WDR49: variants seen among roughly 807,000 people sequenced by gnomAD.
The protein encoded by WDR49 is cilia- and flagella-associated protein 337.
Under a neutral mutation model 119.5 loss-of-function variants are expected in WDR49, and 107 were observed. The ratio of observed to expected loss-of-function variants is 0.90; its 90% CI spans 0.77 to 1.05. WDR49 has a LOEUF of 1.05. WDR49 is among the 50% of genes least tolerant of loss of function. WDR49 has a pLI of 0.00. For missense variants in WDR49, 1,240 were observed against 1,220.5 expected (o/e 1.02, Z -0.24); for synonymous variants, 425 against 418.8 (o/e 1.01, Z -0.18).
chr3:167,552,113 G>C (rs891446226), intron 10 of WDR49, among the ~76,000 whole-genome samples: 1 of 151,998 alleles, frequency 6.6e-6, no homozygotes, highest in Non-Finnish European at 1.5e-5. Flanking sequence ...GCTGCTATTT[G>C]ATAGAGTTTA....
chr3:167,612,143 C>A (rs1000219835), intron 5 of WDR49, among the ~76,000 whole-genome samples: 1 of 152,002 alleles, frequency 6.6e-6, no homozygotes, highest in African/African-American at 2.4e-5. Flanking sequence ...TTTTCTCTGA[C>A]CACAATGAAT....
chr3:167,483,823 G>A (rs1750817550), intron 18 of WDR49, among the ~76,000 whole-genome samples: 1 of 151,960 alleles, frequency 6.6e-6, no homozygotes, highest in Non-Finnish European at 1.5e-5. Flanking sequence ...TACTCAAAGG[G>A]TCTTTATAGA....
At chr3:167,542,561 A>T (rs567818263) in intron 10 of WDR49, among the ~76,000 whole-genome samples, 3 of 152,256 alleles carry the variant, frequency 2.0e-5, no homozygotes, top group Admixed American at 2.0e-4. Context: ...TGAAATCAAG[A>T]TGGAACTTTA....
intron 10 of WDR49, among the ~76,000 whole-genome samples, chr3:167,546,926 G>T (rs1051179084): frequency 3.3e-5 from 5 of 151,570 alleles, no homozygotes; most frequent in Non-Finnish European, 7.4e-5. Context: ...TATCTCAAAG[G>T]CAGAGAATTA....
At chr3:167,629,584 T>C (rs1371347196) in intron 2 of WDR49, among the ~76,000 whole-genome samples, 1 of 152,138 alleles carries the variant, frequency 6.6e-6, no homozygotes, top group Non-Finnish European at 1.5e-5. Context: ...ATAGCTGCCA[T>C]AGACAATGAT....
At chr3:167,590,185 T>C (rs1175473728) in intron 7 of WDR49, among the ~76,000 whole-genome samples, 2 of 152,172 alleles carry the variant, frequency 1.3e-5, no homozygotes, top group Non-Finnish European at 2.9e-5. Flanking sequence ...CTTCATTCCA[T>C]TGACATCATG....
rs1330193356 is a variant in WDR49, at chr3:167,626,896, G to A, written c.562C>T (p.His188Tyr). The A allele has an allele frequency of 7.9e-7, 1 of 1,263,108 alleles. No homozygotes were observed. The highest frequency in any genetic ancestry group is 1.0e-6 in the Non-Finnish European group (1 of 1,004,246). 78.2% of individuals were successfully genotyped at this position (1,263,108 alleles called of 1,614,324 possible). A position where few individuals can be genotyped will look rare whatever the true frequency, so the allele number is the denominator to read the frequency against. Residue 188 changes from histidine to tyrosine, a missense_variant, in exon 3 of 19, where the codon CAC (histidine) becomes TAC (tyrosine). His to Tyr is a moderately conservative substitution (Grantham distance 83). Coordinates refer to ENST00000682715, the MANE Select transcript of WDR49 (RefSeq NM_001366157.1). Reference protein sequence around the residue: ...PITSDATKLKHLWVTSLVSLE... With the variant: ...PITSDATKLKYLWVTSLVSLE... ...GAAACCAGACTTGTCACCCACAGGT[G>A]TTTGAGCTTGGTGGCATCTGAAGTG...
intron 17 of WDR49, among the ~76,000 whole-genome samples, chr3:167,502,438 G>A (rs561021708): frequency 1.1e-4 from 16 of 152,338 alleles, no homozygotes; most frequent in African/African-American, 3.8e-4. Flanking sequence ...TGGCTAATGG[G>A]CAGACGTTGG....
At chr3:167,624,345 TA>T (rs200365249) in intron 3 of WDR49, among the ~76,000 whole-genome samples, 1,936 of 143,464 alleles carry the variant, frequency 0.013, 25 homozygotes, top group African/African-American at 0.029. Context: ...TATGCCATGG[TA>T]AAAAAAAAAA....
chr3:167,570,966 G>A (rs868518568), intron 8 of WDR49, among the ~76,000 whole-genome samples: 5 of 151,462 alleles, frequency 3.3e-5, no homozygotes, highest in African/African-American at 4.9e-5. Context: ...CGGAGGTTGC[G>A]GTGAGCCGAG....
intron 16 of WDR49, among the ~76,000 whole-genome samples, chr3:167,517,389 T>C (rs1752254020): frequency 6.6e-6 from 1 of 152,072 alleles, no homozygotes; most frequent in East Asian, 1.9e-4. Context: ...CATCTAATCT[T>C]CAACAAACCT....
chr3:167,621,084 T>C (rs530883090), intron 4 of WDR49, among the ~76,000 whole-genome samples: 8 of 152,228 alleles, frequency 5.3e-5, no homozygotes, highest in Admixed American at 5.2e-4. Context: ...CCCAATACTC[T>C]ATGTAGGAAA....
chr3:167,566,782 A>G, intron 8 of WDR49: 1 of 597,724 alleles, frequency 1.7e-6, no homozygotes, highest in Non-Finnish European at 3.0e-6. Context: ...AAGCTAGAGA[A>G]AAGAAAATGT....
intron 18 of WDR49, among the ~76,000 whole-genome samples, chr3:167,482,613 A>T (rs1750760818): frequency 6.6e-6 from 1 of 150,456 alleles, no homozygotes; most frequent in South Asian, 2.1e-4. Flanking sequence ...CGGGAGGCAG[A>T]GCTTGCAGTG....
chr3:167,547,172 T>C (rs1171964077), intron 10 of WDR49, among the ~76,000 whole-genome samples: 5 of 151,906 alleles, frequency 3.3e-5, no homozygotes, highest in Non-Finnish European at 5.9e-5. Context: ...TACAGAGTTA[T>C]AGTTTCTTAG....
chr3:167,556,381 A>T lies in WDR49; in HGVS notation c.1675-1583T>A, dbSNP rs547037175. On this transcript the variant is annotated intron_variant, in intron 9 of 18. Coordinates refer to ENST00000682715, the MANE Select transcript of WDR49 (RefSeq NM_001366157.1). ...TTACTAGATTTCTCATCCTCTACCG[A>T]TAAAACCTCCTGTTGATGGTGGGTG... 2.6e-4 allele frequency among the ~76,000 whole-genome samples: 40 copies of T among 152,296 alleles called. 1 individual carries two copies. In the South Asian group the frequency reaches 6.2e-3, roughly 24 times the overall value.
At chr3:167,563,796 AGTT>A (rs1248061530) in intron 8 of WDR49, among the ~76,000 whole-genome samples, 3 of 152,318 alleles carry the variant, frequency 2.0e-5, no homozygotes, top group African/African-American at 7.2e-5. Context: ...ATACACAAGA[AGTT>A]GTTGTTAACT....
At chr3:167,643,492 C>G (rs143935748) in intron 2 of WDR49, among the ~76,000 whole-genome samples, 41 of 152,128 alleles carry the variant, frequency 2.7e-4, no homozygotes, top group African/African-American at 8.4e-4. Context: ...AGAGATGTGT[C>G]AACTAAAGCA....
intron 10 of WDR49, among the ~76,000 whole-genome samples, chr3:167,543,390 A>C (rs1440714921): frequency 1.3e-5 from 2 of 152,116 alleles, no homozygotes; most frequent in Non-Finnish European, 2.9e-5. Flanking sequence ...GAAAATCCTG[A>C]ACAAAATACT....
Sources: allele counts gnomAD v4.1 joint callset (sites outside exome capture counted in the v4.1 genomes callset), GRCh38; gene constraint gnomAD v4.1.1; transcripts MANE v1.5; gene names NCBI Gene and HGNC (gene_info 2026-07-23, HGNC 2026-07-21).